The following CDIN1 variants were observed in gnomAD, a reference collection of about 807,000 sequenced individuals.
CDIN1 encodes CDAN1 interacting nuclease 1.
In CDIN1, 33 loss-of-function variants were observed where a neutral mutation model predicts 45.3. The ratio of observed to expected loss-of-function variants is 0.73; its 90% CI spans 0.55 to 0.97. The LOEUF (loss-of-function observed/expected upper bound fraction) is 0.97. Among genes scored for constraint, CDIN1 ranks in the 50% least tolerant of loss-of-function variants. CDIN1 has a pLI of 0.00. For synonymous variants in CDIN1, 118 were observed against 124.4 expected (o/e 0.95, Z 0.34); for missense variants, 303 against 339.4 (o/e 0.89, Z 0.84).
At chr15:36,703,056 CA>C (rs1379831008) in intron 8 of CDIN1, among the ~76,000 whole-genome samples, 1 of 149,540 alleles carries the variant, frequency 6.7e-6, no homozygotes, top group Non-Finnish European at 1.5e-5. Context: ...GTCCACTCTA[CA>C]AAAAATAAAA....
At chr15:36,779,191 C>T (rs776412367) in intron 10 of CDIN1, among the ~76,000 whole-genome samples, 1 of 152,160 alleles carries the variant, frequency 6.6e-6, no homozygotes, top group Non-Finnish European at 1.5e-5. Flanking sequence ...TCAAGGAAAC[C>T]ACTACCAAAC....
chr15:36,646,786 A>G (rs1021331647), intron 3 of CDIN1, among the ~76,000 whole-genome samples: 1 of 152,180 alleles, frequency 6.6e-6, no homozygotes. Context: ...ATTTTAAAGG[A>G]AAATGTGCTC....
chr15:36,659,624 G>GTT (rs752665522), intron 5 of CDIN1, among the ~76,000 whole-genome samples: 8 of 129,058 alleles, frequency 6.2e-5, no homozygotes, highest in East Asian at 2.2e-4. Flanking sequence ...GTCAGGTTTT[G>GTT]TTTTTTTTTT....
At chr15:36,666,426 A>G (rs1394672007) in intron 5 of CDIN1, among the ~76,000 whole-genome samples, 2 of 152,174 alleles carry the variant, frequency 1.3e-5, no homozygotes, top group Non-Finnish European at 2.9e-5. Context: ...CTTTATCTGT[A>G]TCCCATCCCT....
At chr15:36,633,746 CA>C (rs542050568) in intron 1 of CDIN1, among the ~76,000 whole-genome samples, 142 of 151,026 alleles carry the variant, frequency 9.4e-4, no homozygotes, top group African/African-American at 3.2e-3. Context: ...TCATTCCACC[CA>C]TGATACTTTT....
intron 4 of CDIN1, among the ~76,000 whole-genome samples, chr15:36,655,418 C>A (rs1257936554): frequency 6.6e-6 from 1 of 151,680 alleles, no homozygotes; most frequent in African/African-American, 2.4e-5. Flanking sequence ...CCTCTGCCTC[C>A]CGGGTTCAAG....
At chr15:36,596,277 G>A (rs1461329810) in intron 1 of CDIN1, among the ~76,000 whole-genome samples, 1 of 151,736 alleles carries the variant, frequency 6.6e-6, no homozygotes, top group African/African-American at 2.4e-5. Flanking sequence ...GATTCGACCT[G>A]CTGGCAAAGG....
intron 5 of CDIN1, among the ~76,000 whole-genome samples, chr15:36,688,144 G>T (rs933843490): frequency 6.6e-5 from 10 of 151,902 alleles, no homozygotes; most frequent in Admixed American, 6.6e-4. Flanking sequence ...GATGAAAAAG[G>T]ATAAAGTCAA....
intron 10 of CDIN1, among the ~76,000 whole-genome samples, chr15:36,710,358 A>G (rs1158325583): frequency 2.0e-5 from 3 of 152,164 alleles, no homozygotes; most frequent in African/African-American, 7.2e-5. Flanking sequence ...AAGTAGCCAA[A>G]TGATATGAAA....
intron 1 of CDIN1, among the ~76,000 whole-genome samples, chr15:36,619,469 T>TTCTATCTATCTATCTA (rs58603040): frequency 1.3e-4 from 19 of 147,054 alleles, no homozygotes; most frequent in South Asian, 2.2e-4. Flanking sequence ...GCTGGAGGAT[T>TTCTATCTATCTATCTA]TCTATCTATC....
At chr15:36,580,052 CAT>C (rs894367382) in intron 1 of CDIN1, 91 bp downstream of exon 1, 13 of 1,128,358 alleles carry the variant, frequency 1.2e-5, no homozygotes, top group African/African-American at 1.6e-5. Context: ...ACGTGTCACA[CAT>C]GAGTGGGGAG....
intron 1 of CDIN1, chr15:36,642,077 C>A (rs1172360756): frequency 1.3e-5 from 2 of 152,178 alleles, no homozygotes; most frequent in Non-Finnish European, 2.9e-5. Context: ...AAAACGATAG[C>A]CTTGAGATCA....
intron 1 of CDIN1, among the ~76,000 whole-genome samples, chr15:36,631,653 A>G (rs2039684572): frequency 6.6e-6 from 1 of 152,150 alleles, no homozygotes; most frequent in South Asian, 2.1e-4. Context: ...TCCATTCATC[A>G]GCTGATGGAC....
Position 36,579,923 on chromosome 15 carries a change from C to G in CDIN1, c.63C>G (p.Thr21=), listed in dbSNP as rs2140142958. ...AGTGCCTAGTGTCTGTGCCGCCTAC[C>G]AGGCAGAGCCTGAGGAAGCTGAAGC... ...IAQCLVSVPP[T]RQSLRKLKQR... Residue 21 remains threonine (T), a synonymous_variant, in exon 1 of 11, where the codon ACC becomes ACG. Coordinates refer to ENST00000566621, the MANE Select transcript of CDIN1 (RefSeq NM_001321759.2). The G allele has an allele frequency of 6.2e-7, 1 of 1,613,954 alleles. No homozygotes were observed. Among genetic ancestry groups the G allele is most frequent in the Non-Finnish European group, 8.5e-7 (1 of 1,179,878 alleles).
intron 8 of CDIN1, among the ~76,000 whole-genome samples, chr15:36,698,639 G>A (rs981519431): frequency 2.0e-5 from 3 of 152,142 alleles, no homozygotes; most frequent in Non-Finnish European, 4.4e-5. Flanking sequence ...TGAAACATCC[G>A]ATCACATTGA....
At chr15:36,653,023 A>G (rs1207476588) in intron 3 of CDIN1, among the ~76,000 whole-genome samples, 2 of 152,190 alleles carry the variant, frequency 1.3e-5, no homozygotes, top group Non-Finnish European at 2.9e-5. Context: ...ATTTTTTATT[A>G]TATAATCACC....
intron 1 of CDIN1, chr15:36,617,861 G>T: frequency 1.3e-6 from 1 of 778,118 alleles, no homozygotes; most frequent in South Asian, 1.3e-5. Flanking sequence ...AAGAGAAGAA[G>T]TTAAAACATT....
intron 5 of CDIN1, among the ~76,000 whole-genome samples, chr15:36,686,811 G>T: frequency 7.4e-6 from 1 of 135,198 alleles, no homozygotes; most frequent in East Asian, 2.5e-4. Context: ...ATGGAGGGAG[G>T]GAGAGAGAGA....
At chr15:36,580,554 C>T (rs1159886189) in intron 1 of CDIN1, among the ~76,000 whole-genome samples, 1 of 152,240 alleles carries the variant, frequency 6.6e-6, no homozygotes, top group African/African-American at 2.4e-5. Context: ...ATATGTTATG[C>T]ATACACACAT....
Sources: allele counts gnomAD v4.1 joint callset (sites outside exome capture counted in the v4.1 genomes callset), GRCh38; gene constraint gnomAD v4.1.1; transcripts MANE v1.5; gene names NCBI Gene and HGNC (gene_info 2026-07-23, HGNC 2026-07-21).